Variants in BMPR2 observed in about 807,000 individuals in gnomAD.
BMPR2 encodes bone morphogenetic protein receptor type 2, also known as bone morphogenetic protein receptor type-2.
In BMPR2, 29 loss-of-function variants were observed where a neutral mutation model predicts 100.8. The observed-to-expected ratio is 0.29, with a 90% confidence interval of 0.21 to 0.39. BMPR2 has a LOEUF of 0.39. Ranked by LOEUF, BMPR2 falls within the 10% of genes least tolerant of loss-of-function variation. The pLI, the probability that BMPR2 is intolerant of heterozygous loss-of-function variation, is 1.00. For synonymous variants in BMPR2, 382 were observed against 442.3 expected, an observed-to-expected ratio of 0.86 and a Z score of 1.71; for missense variants, 1,011 against 1,274.5, an observed-to-expected ratio of 0.79 and a Z score of 3.15.
chr2:202,466,944 T>C (rs1418967717), intron 2 of BMPR2: 2 of 157,240 alleles, frequency 1.3e-5, no homozygotes, highest in Non-Finnish European at 2.8e-5. Context: ...TAGACAAAAA[T>C]GAAACCTTAC....
chr2:202,559,699 G>A lies in BMPR2; in HGVS notation c.2870G>A (p.Gly957Asp), dbSNP rs1688647506. The change falls in exon 13 of 13, where the codon GGT (glycine) becomes GAT (aspartate). Residue 957 changes from glycine to aspartate, a missense_variant. Around this residue, in one of 6 missense-constraint regions of BMPR2, gnomAD observed 508 missense variants for 552.0 expected, o/e 0.92. Transcript: ENST00000374580. The stretch of plus-strand genomic sequence containing the variant: ...TTTTCTGCACTTTTATTTTCAGTAG[G>A]TGAGTCAACACAAGATGGCAAATCA... ...NVLDGSSIQIGESTQDGKSGS... is the reference protein window; with the variant it reads ...NVLDGSSIQIDESTQDGKSGS... 1 of 1,614,034 alleles carries A rather than the reference G, an allele frequency of 6.2e-7. No homozygotes were observed. Among genetic ancestry groups the A allele is most frequent in the East Asian group, 2.2e-5 (1 of 44,878 alleles).
At position 202,441,209 on chromosome 2, in the gene BMPR2, G is replaced by C. The variant is rs867247616; in HGVS notation, c.77-23600G>C. Reference sequence around the variant, plus strand: ...TTGCCCAGGGTGGTCTCGAACTCCTGAGCTCAGGCAATCCACCCACCTCGG... The same window carrying C: ...TTGCCCAGGGTGGTCTCGAACTCCTCAGCTCAGGCAATCCACCCACCTCGG... On this transcript the variant is annotated intron_variant, in intron 1 of 12. Coordinates refer to ENST00000374580, the MANE Select transcript of BMPR2 (RefSeq NM_001204.7). 2.0e-5 allele frequency among the ~76,000 whole-genome samples: 3 copies of C among 150,116 alleles called. No homozygotes were observed. In the Middle Eastern group the frequency reaches 0.01, roughly 511 times the overall value.
chr2:202,415,122 A>G (rs1158379970), intron 1 of BMPR2, among the ~76,000 whole-genome samples: 3 of 152,184 alleles, frequency 2.0e-5, no homozygotes, highest in African/African-American at 7.2e-5. Flanking sequence ...CAGATTTTCA[A>G]TGTAGATGAC....
At chr2:202,440,247 C>T (rs1182164098) in intron 1 of BMPR2, among the ~76,000 whole-genome samples, 8 of 150,744 alleles carry the variant, frequency 5.3e-5, no homozygotes, top group Admixed American at 2.6e-4. Context: ...ACCTCCCAGA[C>T]GGGGTGGCGG....
intron 3 of BMPR2, among the ~76,000 whole-genome samples, chr2:202,479,334 T>C (rs956122842): frequency 2.6e-5 from 4 of 152,176 alleles, no homozygotes; most frequent in Non-Finnish European, 5.9e-5. Flanking sequence ...ACTGTCTTAG[T>C]TGAGTCTTGA....
intron 1 of BMPR2, among the ~76,000 whole-genome samples, chr2:202,436,457 A>AT (rs1036575724): frequency 6.7e-6 from 1 of 149,782 alleles, no homozygotes; most frequent in Admixed American, 6.6e-5. Context: ...AGAAAAAAAA[A>AT]CAACAACAGC....
chr2:202,545,625 A>G (rs79189995), intron 10 of BMPR2, among the ~76,000 whole-genome samples: 499 of 152,322 alleles, frequency 3.3e-3, no homozygotes, highest in Non-Finnish European at 5.7e-3. Context: ...TGTCAGAGAC[A>G]GGGTAGAGAC....
intron 1 of BMPR2, among the ~76,000 whole-genome samples, chr2:202,443,707 G>A (rs1297126747): frequency 4.7e-5 from 7 of 150,396 alleles, no homozygotes; most frequent in Non-Finnish European, 1.0e-4. Context: ...GGGATTACAG[G>A]CATGTGCCAC....
chr2:202,386,929 C>T (rs1277607901), intron 1 of BMPR2, among the ~76,000 whole-genome samples: 2 of 152,124 alleles, frequency 1.3e-5, no homozygotes, highest in African/African-American at 4.8e-5. Context: ...GTGATCTGCC[C>T]ACCTCGGCCT....
chr2:202,478,499 A>C (rs141660706), intron 3 of BMPR2, among the ~76,000 whole-genome samples: 53 of 152,308 alleles, frequency 3.5e-4, no homozygotes, highest in African/African-American at 9.6e-4. Flanking sequence ...GTACTTCCAA[A>C]GTAGTCCCAA....
rs193022545 is a variant in BMPR2, at chr2:202,522,596, G to A, written c.967+2395G>A. On this transcript the variant is annotated intron_variant, in intron 7 of 12. Coordinates refer to ENST00000374580, the MANE Select transcript of BMPR2 (RefSeq NM_001204.7). ...TATAATCCGAACAATTTGGGAGGCC[G>A]AGGCAGGTGGACTGCTTGAGCCCAA... 4.6e-3 allele frequency among the ~76,000 whole-genome samples: 692 copies of A among 152,048 alleles called. 7 individuals carry two copies. The highest frequency in any genetic ancestry group is 0.016 in the African/African-American group (646 of 41,470).
At chr2:202,535,224 C>T (rs1289445273) in intron 9 of BMPR2, among the ~76,000 whole-genome samples, 2 of 151,680 alleles carry the variant, frequency 1.3e-5, no homozygotes, top group African/African-American at 2.4e-5. Flanking sequence ...GGCTGCCGGG[C>T]GGAGACACTC....
chr2:202,506,426 C>A (rs1054858955), intron 3 of BMPR2, among the ~76,000 whole-genome samples: 7 of 152,088 alleles, frequency 4.6e-5, no homozygotes, highest in Admixed American at 3.9e-4. Flanking sequence ...TTGGCCTCCA[C>A]TTTACAGACA....
chr2:202,423,111 A>G (rs1691303304), intron 1 of BMPR2, among the ~76,000 whole-genome samples: 2 of 151,916 alleles, frequency 1.3e-5, no homozygotes, highest in Admixed American at 1.3e-4. Context: ...CTGGTCTTGA[A>G]CTCCAAACCT....
At chr2:202,521,242 T>C (rs1478669443) in intron 7 of BMPR2, among the ~76,000 whole-genome samples, 3 of 152,182 alleles carry the variant, frequency 2.0e-5, no homozygotes, top group Non-Finnish European at 2.9e-5. Flanking sequence ...ATAAAATCAT[T>C]AGTAAAAACA....
At chr2:202,383,744 A>C (rs1174209916) in intron 1 of BMPR2, among the ~76,000 whole-genome samples, 1 of 151,464 alleles carries the variant, frequency 6.6e-6, no homozygotes, top group Non-Finnish European at 1.5e-5. Context: ...CTAGCTACTC[A>C]GGAAGCTGAG....
In BMPR2 at chr2:202,560,181, A is replaced by G. The variant is rs1688656027; in HGVS notation, c.*235A>G. ...TTTTGTTTAGTCTCGCTAAAGTTAT[A>G]TTTGTCTGTTATGACCACAGAGTTA... On this transcript the variant is annotated 3_prime_UTR_variant, in exon 13 of 13. Transcript: ENST00000374580. The G allele has an allele frequency of 1.9e-6, 1 of 533,618 alleles. No homozygotes were observed. The highest frequency in any genetic ancestry group is 3.3e-6 in the Non-Finnish European group (1 of 300,506). The allele number at this position is 533,618 out of a possible 1,614,324, so 33.1% of individuals were successfully genotyped here.
At chr2:202,511,574 T>C (rs1174939224) in intron 3 of BMPR2, among the ~76,000 whole-genome samples, 2 of 150,044 alleles carry the variant, frequency 1.3e-5, no homozygotes, top group Non-Finnish European at 3.0e-5. Flanking sequence ...CAGCGCTTTT[T>C]ATTTTCTTTT....
chr2:202,397,956 A>G (rs1328524829), intron 1 of BMPR2, among the ~76,000 whole-genome samples: 1 of 151,894 alleles, frequency 6.6e-6, no homozygotes, highest in Non-Finnish European at 1.5e-5. Context: ...CCCGGTCTCT[A>G]CTGAAAATAT....
Sources: gnomAD v4.1 joint callset for allele counts (sites outside exome capture counted in the v4.1 genomes callset) on GRCh38, gnomAD v4.1.1 for gene constraint, gnomAD v4.1.1 regional missense constraint, MANE v1.5 for transcripts, NCBI Gene and HGNC (gene_info 2026-07-23, HGNC 2026-07-21) for gene names.